Variants in NALCN observed in about 807,000 individuals in gnomAD.
NALCN encodes sodium leak channel, non-selective.
NALCN carries 111 observed loss-of-function variants against 225.3 expected under a neutral mutation model. The ratio of observed to expected loss-of-function variants is 0.49; its 90% CI spans 0.42 to 0.58. The LOEUF (loss-of-function observed/expected upper bound fraction) is 0.58. Ranked by LOEUF, NALCN falls within the 20% of genes least tolerant of loss-of-function variation. The pLI is 0.00. For synonymous variants in NALCN, 764 were observed against 769.0 expected, an observed-to-expected ratio of 0.99 and a Z score of 0.11; for missense variants, 1,378 against 2,202.4, an observed-to-expected ratio of 0.63 and a Z score of 7.49.
At chr13:101,244,649 C>A (rs1054318763) in intron 11 of NALCN, among the ~76,000 whole-genome samples, 1 of 152,106 alleles carries the variant, frequency 6.6e-6, no homozygotes, top group African/African-American at 2.4e-5. Flanking sequence ...TAAAAATATG[C>A]CTAACTTAAC....
chr13:101,294,165 T>A lies in NALCN; in HGVS notation c.800-1799A>T, dbSNP rs141259807. 2.2e-3 allele frequency among the ~76,000 whole-genome samples: 328 copies of A among 152,334 alleles called. 3 individuals carry two copies. The highest frequency in any genetic ancestry group is 3.3e-3 in the Non-Finnish European group (225 of 68,030). ...AAAAATTTTTTTTTACCATGCTATTTATATTTCTCTTGATTGAGACTGGGG... is the reference window on the plus strand; with the variant it reads ...AAAAATTTTTTTTTACCATGCTATTAATATTTCTCTTGATTGAGACTGGGG... On this transcript the variant is annotated intron_variant, in intron 7 of 43. Transcript: ENST00000251127.
At chr13:101,084,270 G>A (rs1397064770) in intron 30 of NALCN, among the ~76,000 whole-genome samples, 3 of 152,152 alleles carry the variant, frequency 2.0e-5, no homozygotes, top group African/African-American at 7.2e-5. Flanking sequence ...AAGTCATAGA[G>A]TTTGCATTTT....
chr13:101,160,152 C>T (rs1349848898), intron 15 of NALCN, among the ~76,000 whole-genome samples: 3 of 152,092 alleles, frequency 2.0e-5, no homozygotes, highest in Non-Finnish European at 2.9e-5. Flanking sequence ...GACAGGGTTT[C>T]ACCATGTTAG....
rs185882187 is a variant in NALCN, at chr13:101,148,999, T to C, written c.1840-4103A>G. ...TGAATGTTTAGACAAAGTACAGATA[T>C]AAAAATTTTGTAGGCTGGGCGCAGT... On this transcript the variant is annotated intron_variant, in intron 15 of 43. Coordinates refer to ENST00000251127, the MANE Select transcript of NALCN (RefSeq NM_052867.4). Among the ~76,000 whole-genome samples the C allele has an allele frequency of 6.6e-4, 100 of 152,262 alleles. 1 individual carries two copies. The highest frequency in any genetic ancestry group is 4.2e-4 in the South Asian group (2 of 4,812).
chr13:101,148,083 A>G (rs1222107174), intron 15 of NALCN, among the ~76,000 whole-genome samples: 1 of 152,076 alleles, frequency 6.6e-6, no homozygotes, highest in African/African-American at 2.4e-5. Flanking sequence ...AACATCTGCA[A>G]TTTCTTACGG....
intron 10 of NALCN, among the ~76,000 whole-genome samples, chr13:101,274,766 G>A (rs1257292614): frequency 6.6e-6 from 1 of 152,194 alleles, no homozygotes; most frequent in Non-Finnish European, 1.5e-5. Flanking sequence ...AGCTTCAGGT[G>A]AGACTGTAAT....
chr13:101,181,503 T>G (rs1423963578), intron 14 of NALCN, among the ~76,000 whole-genome samples: 1 of 151,614 alleles, frequency 6.6e-6, no homozygotes, highest in Non-Finnish European at 1.5e-5. Flanking sequence ...TCCTAGCAGT[T>G]TGGGAAGCTG....
At chr13:101,210,319 C>G (rs1370300624) in intron 13 of NALCN, among the ~76,000 whole-genome samples, 1 of 152,160 alleles carries the variant, frequency 6.6e-6, no homozygotes, top group Non-Finnish European at 1.5e-5. Flanking sequence ...AGACAGTCCT[C>G]TGCAGAAGTA....
chr13:101,078,387 G>A (rs1460273478), intron 34 of NALCN, among the ~76,000 whole-genome samples: 1 of 152,324 alleles, frequency 6.6e-6, no homozygotes, highest in African/African-American at 2.4e-5. Context: ...GAGGGGGTCT[G>A]TACCCTGCAA....
At chr13:101,067,421 G>A (rs1464922652) in intron 39 of NALCN, among the ~76,000 whole-genome samples, 1 of 152,112 alleles carries the variant, frequency 6.6e-6, no homozygotes, top group Middle Eastern at 3.2e-3. Context: ...AGAGCAGACT[G>A]CAGCTACTTT....
chr13:101,079,148 C>T (rs186778797), intron 34 of NALCN, among the ~76,000 whole-genome samples: 1 of 152,304 alleles, frequency 6.6e-6, no homozygotes, highest in Admixed American at 6.5e-5. Context: ...ATAAATTACC[C>T]AGTTTTGGGT....
At chr13:101,234,668 A>C (rs2041480595) in intron 12 of NALCN, among the ~76,000 whole-genome samples, 1 of 152,232 alleles carries the variant, frequency 6.6e-6, no homozygotes, top group South Asian at 2.1e-4. Context: ...TTATTAATAC[A>C]TTAGAAAAAG....
At chr13:101,177,238 C>T (rs2038993019) in intron 14 of NALCN, among the ~76,000 whole-genome samples, 1 of 152,114 alleles carries the variant, frequency 6.6e-6, no homozygotes, top group Non-Finnish European at 1.5e-5. Flanking sequence ...GAACTAGAAA[C>T]ACTCAGCTAA....
intron 1 of NALCN, among the ~76,000 whole-genome samples, chr13:101,403,549 G>T (rs970570821): frequency 2.6e-5 from 4 of 152,054 alleles, no homozygotes; most frequent in Non-Finnish European, 5.9e-5. Context: ...TTAATATTTG[G>T]GAATAAAGAT....
At chr13:101,400,014 G>A (rs568890464) in intron 1 of NALCN, among the ~76,000 whole-genome samples, 2 of 152,104 alleles carry the variant, frequency 1.3e-5, no homozygotes, top group African/African-American at 4.8e-5. Flanking sequence ...TCCCTGAGTC[G>A]ACTGTGAGAC....
At position 101,104,555 on chromosome 13, in the gene NALCN, C is replaced by T; in HGVS notation, c.2732G>A (p.Arg911Lys). Residue 911 changes from arginine (R) to lysine (K), a missense_variant, in exon 24 of 44, where the codon AGA becomes AAA. Transcript: ENST00000251127. The surrounding 1 kb of genome is among the most constrained non-coding windows in gnomAD (Gnocchi z 4.2). The stretch of plus-strand genomic sequence containing the variant: ...CTGCAAAGTAGGTGCATGCATGACT[C>T]TTCGAAACGGGGACTCAAACATCAT... ...ISMMFESPFR[R>K]VMHAPTLQIA... The T allele has an allele frequency of 6.2e-7, 1 of 1,614,010 alleles. No individual in the cohort carries two copies. Among genetic ancestry groups the T allele is most frequent in the Non-Finnish European group, 8.5e-7 (1 of 1,179,922 alleles).
chr13:101,122,169 A>C (rs2036010183), intron 18 of NALCN, among the ~76,000 whole-genome samples: 1 of 152,176 alleles, frequency 6.6e-6, no homozygotes, highest in Non-Finnish European at 1.5e-5. Context: ...AAGTATTCCC[A>C]AAATATCAGT....
chr13:101,149,217 C>A (rs868589767), intron 15 of NALCN, among the ~76,000 whole-genome samples: 1 of 151,186 alleles, frequency 6.6e-6, no homozygotes, highest in African/African-American at 2.4e-5. Context: ...GGCGTGAACC[C>A]GGGAGGTGGA....
rs75227148 is a variant in NALCN at position 101,143,359 on chromosome 13, A to G, written c.1977-138T>C. ...TAGAAAACTAGATCATGACTAAAATATTTCATTAGCAACAGCTTCCTGAAA... is the reference window on the plus strand; with the variant it reads ...TAGAAAACTAGATCATGACTAAAATGTTTCATTAGCAACAGCTTCCTGAAA... On this transcript the variant is annotated intron_variant, in intron 16 of 43. Coordinates refer to ENST00000251127, the MANE Select transcript of NALCN (RefSeq NM_052867.4). The G allele has an allele frequency of 3.2e-3, 2,525 of 796,842 alleles. 34 individuals carry two copies. In the African/African-American group the frequency reaches 0.04, roughly 13 times the overall value. 49.4% of individuals were successfully genotyped at this position (796,842 alleles called of 1,614,324 possible). A position where few individuals can be genotyped will look rare whatever the true frequency, so the allele number is the denominator to read the frequency against.
Sources: allele counts gnomAD v4.1 joint callset (sites outside exome capture counted in the v4.1 genomes callset), GRCh38; gene constraint gnomAD v4.1.1; non-coding constraint Gnocchi (gnomAD v3.1); transcripts MANE v1.5; gene names NCBI Gene and HGNC (gene_info 2026-07-23, HGNC 2026-07-21).